The following LRRC63 variants were observed in gnomAD, a reference collection of about 807,000 sequenced individuals.
LRRC63 encodes the protein leucine rich repeat containing 63.
Under a neutral mutation model 49.5 loss-of-function variants are expected in LRRC63, and 40 were observed. The observed-to-expected ratio is 0.81, with a 90% confidence interval of 0.63 to 1.05. LRRC63 has a LOEUF of 1.05. LRRC63 is among the 50% of genes least tolerant of loss of function. LRRC63 has a pLI of 0.00. For synonymous variants in LRRC63, 191 were observed against 221.1 expected, an observed-to-expected ratio of 0.86 and a Z score of 1.21; for missense variants, 636 against 663.1, an observed-to-expected ratio of 0.96 and a Z score of 0.45.
chr13:46,228,609 T>C, intron 3 of LRRC63, 56 bp from the exon 4 acceptor site: 1 of 1,039,876 alleles, frequency 9.6e-7, no homozygotes, highest in South Asian at 1.4e-5. Context: ...CATAAAACCC[T>C]CAAGTGAATT....
exon 7 of LRRC63, chr13:46,250,478 G>A: frequency 6.5e-7 from 1 of 1,532,756 alleles, no homozygotes; most frequent in Non-Finnish European, 8.8e-7. Flanking sequence ...TTTAATTACT[G>A]TTCTTCCAAT....
chr13:46,269,156 C>T (rs1404534003), intron 9 of LRRC63, among the ~76,000 whole-genome samples: 1 of 151,216 alleles, frequency 6.6e-6, no homozygotes, highest in Non-Finnish European at 1.5e-5. Context: ...ACTTAATAAG[C>T]TGATTCTAAA....
At chr13:46,235,443 A>G (rs1035503568) in intron 5 of LRRC63, among the ~76,000 whole-genome samples, 8 of 152,200 alleles carry the variant, frequency 5.3e-5, no homozygotes, top group African/African-American at 1.9e-4. Flanking sequence ...AACTGAAATG[A>G]AAACTTCACT....
intron 5 of LRRC63, among the ~76,000 whole-genome samples, chr13:46,244,859 C>T (rs2047169373): frequency 1.3e-5 from 2 of 152,018 alleles, no homozygotes; most frequent in Non-Finnish European, 2.9e-5. Context: ...AGCCTAAACA[C>T]ATTAGTAATT....
intron 7 of LRRC63, among the ~76,000 whole-genome samples, chr13:46,252,561 G>A (rs2047410755): frequency 6.6e-6 from 1 of 152,042 alleles, no homozygotes; most frequent in African/African-American, 2.4e-5. Flanking sequence ...ATACAATTGA[G>A]TAAAGTAAAA....
At chr13:46,214,786 T>C (rs971736189) in intron 2 of LRRC63, among the ~76,000 whole-genome samples, 3 of 152,146 alleles carry the variant, frequency 2.0e-5, no homozygotes, top group African/African-American at 7.2e-5. Context: ...TAACAGGCCC[T>C]GGTGTGTGTT....
chr13:46,229,281 C>G (rs1424778534), intron 4 of LRRC63, among the ~76,000 whole-genome samples: 1 of 152,146 alleles, frequency 6.6e-6, no homozygotes, highest in African/African-American at 2.4e-5. Flanking sequence ...TTTTCCATTA[C>G]TAAGTAGTTT....
intron 7 of LRRC63, among the ~76,000 whole-genome samples, chr13:46,252,014 T>C (rs1382762188): frequency 6.6e-6 from 1 of 151,952 alleles, no homozygotes; most frequent in Non-Finnish European, 1.5e-5. Context: ...GGCATATTTT[T>C]ATTAAATAAC....
chr13:46,274,830 A>G (rs2047810552), intron 9 of LRRC63, among the ~76,000 whole-genome samples: 2 of 152,078 alleles, frequency 1.3e-5, no homozygotes, highest in African/African-American at 4.8e-5. Flanking sequence ...CCATCACCTT[A>G]TTTATCATTT....
At chr13:46,227,280 C>T (rs1367684999) in intron 2 of LRRC63, among the ~76,000 whole-genome samples, 1 of 152,184 alleles carries the variant, frequency 6.6e-6, no homozygotes, top group East Asian at 1.9e-4. Flanking sequence ...AAGAATAGCT[C>T]TCTACCCTTT....
intron 6 of LRRC63, among the ~76,000 whole-genome samples, chr13:46,249,088 A>G (rs757511645): frequency 4.6e-5 from 7 of 151,894 alleles, no homozygotes; most frequent in Non-Finnish European, 8.8e-5. Context: ...ATATTTTTAG[A>G]TAAATGAAAA....
exon 3 of LRRC63, chr13:46,227,704 C>G (rs1176446117): frequency 6.4e-7 from 1 of 1,550,468 alleles, no homozygotes; most frequent in South Asian, 1.2e-5. Context: ...CAGAAATCTA[C>G]TAAGCATGTC....
At chr13:46,275,245 A>C (rs1017835603) in intron 9 of LRRC63, among the ~76,000 whole-genome samples, 2 of 152,210 alleles carry the variant, frequency 1.3e-5, no homozygotes, top group Non-Finnish European at 2.9e-5. Context: ...GGTCAACTCC[A>C]TATCTTGGCG....
intron 4 of LRRC63, among the ~76,000 whole-genome samples, chr13:46,229,724 C>T (rs762554744): frequency 6.6e-6 from 1 of 152,042 alleles, no homozygotes; most frequent in Non-Finnish European, 1.5e-5. Context: ...GTTCGAGGCC[C>T]GCCTGGAACA....
At chr13:46,237,870 C>T (rs1259500466) in intron 5 of LRRC63, among the ~76,000 whole-genome samples, 1 of 151,800 alleles carries the variant, frequency 6.6e-6, no homozygotes, top group Non-Finnish European at 1.5e-5. Flanking sequence ...TCCAGAAAAA[C>T]ACAAATTACC....
intron 9 of LRRC63, among the ~76,000 whole-genome samples, chr13:46,273,117 C>A (rs944696975): frequency 6.6e-6 from 1 of 151,954 alleles, no homozygotes; most frequent in Non-Finnish European, 1.5e-5. Context: ...GGAGGAGGAG[C>A]TGATAACAAA....
chr13:46,276,470 A>C (rs544189422), intron 9 of LRRC63, 120 bp from the exon 10 acceptor site: 19 of 426,480 alleles, frequency 4.5e-5, no homozygotes, highest in Admixed American at 8.8e-5. Context: ...GGTAGCACTC[A>C]CCTAGCTGGT....
Position 46,213,054 on chromosome 13 carries a change from T to C in LRRC63, c.20T>C (p.Leu7Pro), listed in dbSNP as rs754532107. The change falls in exon 2 of 10, where the codon CTT becomes CCT. Residue 7 changes from leucine (L) to proline (P), a missense_variant. Transcript: ENST00000595396. ...ATTAAAATGCAAAAGCCCCCACTGC[T>C]TCTTCGAAGACCCTTACCTCCAAAA... is the stretch of plus-strand genomic sequence containing the variant. The C allele has an allele frequency of 4.5e-6, 7 of 1,549,414 alleles. No individual in the cohort carries two copies. The South Asian group carries it at 8.4e-5, about 19-fold the overall frequency.
chr13:46,241,673 G>T (rs140515754), intron 5 of LRRC63, among the ~76,000 whole-genome samples: 74 of 152,192 alleles, frequency 4.9e-4, no homozygotes, highest in African/African-American at 1.6e-3. Context: ...GCCATGAAAA[G>T]ACACTCCAAA....
Sources: gnomAD v4.1 joint callset for allele counts (sites outside exome capture counted in the v4.1 genomes callset) on GRCh38, gnomAD v4.1.1 for gene constraint, MANE v1.5 for transcripts, NCBI Gene and HGNC (gene_info 2026-07-23, HGNC 2026-07-21) for gene names.